Variants in CDC14B observed in about 807,000 individuals in gnomAD.
CDC14B encodes dual specificity protein phosphatase CDC14B.
In CDC14B, 22 loss-of-function variants were observed where a neutral mutation model predicts 64.2. The observed-to-expected ratio is 0.34, with a 90% confidence interval of 0.24 to 0.49. The LOEUF is 0.49. CDC14B is among the 20% of genes least tolerant of loss of function. The pLI is 0.99. For missense variants in CDC14B, 498 were observed against 629.9 expected (o/e 0.79, Z 2.24); for synonymous variants, 191 against 215.8 (o/e 0.89, Z 1.01).
At chr9:96,538,024 T>C (rs1289757813) in intron 7 of CDC14B, among the ~76,000 whole-genome samples, 1 of 152,104 alleles carries the variant, frequency 6.6e-6, no homozygotes, top group Admixed American at 6.6e-5. Flanking sequence ...CTGGCAGATT[T>C]TTCCTTTTTT....
intron 1 of CDC14B, among the ~76,000 whole-genome samples, chr9:96,576,632 C>CAAAA (rs11304216): frequency 3.7e-5 from 3 of 81,652 alleles, no homozygotes; most frequent in Non-Finnish European, 4.9e-5. Context: ...GACTCCATCT[C>CAAAA]AAAAAAAAAA....
chr9:96,562,454 T>C (rs894306178), intron 4 of CDC14B: 6 of 437,210 alleles, frequency 1.4e-5, no homozygotes, highest in Non-Finnish European at 2.5e-5. Context: ...ATATAGGCTT[T>C]TTTCCCGAGC....
At chr9:96,597,006 T>C (rs1846125783) in intron 1 of CDC14B, among the ~76,000 whole-genome samples, 2 of 152,174 alleles carry the variant, frequency 1.3e-5, no homozygotes, top group Admixed American at 1.3e-4. Flanking sequence ...TGATGAATTC[T>C]GTAAGCACAC....
At chr9:96,545,857 A>G (rs1840744377) in intron 5 of CDC14B, among the ~76,000 whole-genome samples, 1 of 152,130 alleles carries the variant, frequency 6.6e-6, no homozygotes, top group South Asian at 2.1e-4. Context: ...TGCTCACTCA[A>G]GTGTATTTCA....
chr9:96,567,057 C>A (rs981628818), intron 1 of CDC14B: 2 of 1,094,748 alleles, frequency 1.8e-6, no homozygotes, highest in Non-Finnish European at 1.2e-6. Context: ...AGCACCCCGC[C>A]CCACCTCCCG....
At chr9:96,596,863 T>TAA (rs79431845) in intron 1 of CDC14B, among the ~76,000 whole-genome samples, 2 of 132,608 alleles carry the variant, frequency 1.5e-5, no homozygotes, top group Non-Finnish European at 1.6e-5. Context: ...TCTCTATCTT[T>TAA]AAAAAAAAAA....
In CDC14B at chr9:96,619,238, G is replaced by A. The variant is rs745746689; in HGVS notation, c.141C>T (p.Asp47=). ...GCTCACCGGTGATGTCCAGGTACAC[G>A]TCGTCCTGGGGGTCCCGGCGGCGCG... ...QDPRRRDPQD[D]VYLDITDRLC... Residue 47 remains aspartate (D), a synonymous_variant, in exon 1 of 14, where the codon GAC becomes GAT. Transcript: ENST00000375241. 22 of 1,351,272 alleles carry A rather than the reference G, an allele frequency of 1.6e-5. No individual in the cohort carries two copies. The highest frequency in any genetic ancestry group is 3.0e-5 in the African/African-American group (2 of 66,570). 83.7% of individuals were successfully genotyped at this position (1,351,272 alleles called of 1,614,324 possible).
chr9:96,514,395 C>A (rs1835327354), intron 12 of CDC14B: 2 of 983,512 alleles, frequency 2.0e-6, no homozygotes, highest in African/African-American at 3.5e-5. Flanking sequence ...AAGAAAACAC[C>A]CAAAAGGTTA....
intron 1 of CDC14B, among the ~76,000 whole-genome samples, chr9:96,608,338 A>C (rs1328722163): frequency 6.6e-6 from 1 of 152,238 alleles, no homozygotes; most frequent in African/African-American, 2.4e-5. Context: ...CTTTTTTGAC[A>C]GTTCATTGTC....
intron 4 of CDC14B, among the ~76,000 whole-genome samples, chr9:96,555,356 C>CGA (rs1842369103): frequency 6.6e-6 from 1 of 152,174 alleles, no homozygotes; most frequent in Non-Finnish European, 1.5e-5. Flanking sequence ...GGCCTCCTGC[C>CGA]AGCAATCGGC....
chr9:96,616,236 G>A (rs1021652389), intron 1 of CDC14B, among the ~76,000 whole-genome samples: 6 of 152,094 alleles, frequency 3.9e-5, no homozygotes, highest in Non-Finnish European at 7.4e-5. Flanking sequence ...TGAGGCAGGA[G>A]AATTGCTTGA....
intron 5 of CDC14B, among the ~76,000 whole-genome samples, chr9:96,545,379 G>A (rs539344325): frequency 1.2e-4 from 18 of 148,302 alleles, no homozygotes; most frequent in East Asian, 4.0e-4. Flanking sequence ...GTGCAGTGGC[G>A]CGATCTTGGC....
chr9:96,610,651 A>C (rs1213351895), intron 1 of CDC14B, among the ~76,000 whole-genome samples: 1 of 104,568 alleles, frequency 9.6e-6, no homozygotes, highest in Admixed American at 1.0e-4. Flanking sequence ...AATGACCACA[A>C]AAAAAAAAAA....
intron 5 of CDC14B, 42 bp downstream of exon 5, chr9:96,551,754 G>A (rs1841877584): frequency 6.3e-7 from 1 of 1,590,360 alleles, no homozygotes; most frequent in Non-Finnish European, 8.5e-7. Context: ...TTTCTGGCAA[G>A]GATCTGATTA....
intron 4 of CDC14B, among the ~76,000 whole-genome samples, chr9:96,559,628 C>T (rs1179995412): frequency 6.6e-6 from 1 of 152,182 alleles, no homozygotes; most frequent in Admixed American, 6.5e-5. Context: ...AAGCTTTTCT[C>T]CTGCTTTCCT....
chr9:96,578,687 C>A (rs1367079403), intron 1 of CDC14B, among the ~76,000 whole-genome samples: 1 of 152,138 alleles, frequency 6.6e-6, no homozygotes, highest in East Asian at 1.9e-4. Context: ...CTTTCACAGA[C>A]CTTAGGTGAC....
chr9:96,534,304 T>C, intron 8 of CDC14B, 147 bp from the exon 9 acceptor site: 1 of 782,438 alleles, frequency 1.3e-6, no homozygotes, highest in Non-Finnish European at 2.1e-6. Context: ...GAAAAGAAAG[T>C]TAAAATCCAG....
At chr9:96,493,688 G>C (rs1175592876) in intron 13 of CDC14B, among the ~76,000 whole-genome samples, 2 of 152,118 alleles carry the variant, frequency 1.3e-5, no homozygotes. Context: ...AAATTAGGTG[G>C]GTGGCACACA....
At chr9:96,554,179 A>AAAAAC (rs1290145583) in intron 4 of CDC14B, among the ~76,000 whole-genome samples, 1 of 152,204 alleles carries the variant, frequency 6.6e-6, no homozygotes, top group Non-Finnish European at 1.5e-5. Context: ...GCAAAAACAA[A>AAAAAC]AAAACAAAAC....
Sources: allele counts gnomAD v4.1 joint callset (sites outside exome capture counted in the v4.1 genomes callset), GRCh38; gene constraint gnomAD v4.1.1; transcripts MANE v1.5; gene names NCBI Gene and HGNC (gene_info 2026-07-23, HGNC 2026-07-21).